The following ENOX1 variants were observed in gnomAD, a reference collection of about 807,000 sequenced individuals.
ENOX1 encodes candidate growth-related and time keeping constitutive hydroquinone (NADH) oxidase.
ENOX1 carries 42 observed loss-of-function variants against 82.5 expected under a neutral mutation model. That is an observed-to-expected ratio of 0.51 (90% CI 0.40 to 0.66). The LOEUF (loss-of-function observed/expected upper bound fraction) is 0.66. ENOX1 is among the 30% of genes least tolerant of loss of function. The pLI, the probability that ENOX1 is intolerant of heterozygous loss-of-function variation, is 0.00. For synonymous variants in ENOX1, 271 were observed against 282.2 expected (o/e 0.96, Z 0.40); for missense variants, 608 against 811.6 (o/e 0.75, Z 3.05).
At chr13:43,505,630 C>T (rs147826300) in intron 2 of ENOX1, among the ~76,000 whole-genome samples, 52 of 152,048 alleles carry the variant, frequency 3.4e-4, no homozygotes, top group African/African-American at 1.1e-3. Flanking sequence ...TGTTTGAGTT[C>T]GTTGTAGATT....
At chr13:43,325,689 C>G (rs139313423) in intron 10 of ENOX1, among the ~76,000 whole-genome samples, 1 of 152,010 alleles carries the variant, frequency 6.6e-6, no homozygotes, top group African/African-American at 2.4e-5. Context: ...GAAAAACATT[C>G]TTTCATTAAA....
chr13:43,617,837 A>T (rs2082547588), intron 2 of ENOX1, among the ~76,000 whole-genome samples: 1 of 152,178 alleles, frequency 6.6e-6, no homozygotes, highest in Admixed American at 6.5e-5. Context: ...TTACATTCCC[A>T]CAAGAAGTGT....
At chr13:43,460,132 C>G (rs960569856) in intron 3 of ENOX1, among the ~76,000 whole-genome samples, 26 of 152,178 alleles carry the variant, frequency 1.7e-4, no homozygotes, top group African/African-American at 6.0e-4. Flanking sequence ...TCTTTTGTTA[C>G]AAAATTATCC....
chr13:43,598,714 G>A (rs2081573317), intron 2 of ENOX1, among the ~76,000 whole-genome samples: 1 of 152,196 alleles, frequency 6.6e-6, no homozygotes, highest in African/African-American at 2.4e-5. Flanking sequence ...GATACAGTGT[G>A]CTATGTTCAA....
chr13:43,333,371 T>C (rs967142604), intron 9 of ENOX1, among the ~76,000 whole-genome samples: 4 of 152,346 alleles, frequency 2.6e-5, no homozygotes, highest in African/African-American at 9.6e-5. Flanking sequence ...ATGAATTACA[T>C]GGTAACCAAT....
At chr13:43,524,298 C>T (rs1230965934) in intron 2 of ENOX1, among the ~76,000 whole-genome samples, 1 of 152,150 alleles carries the variant, frequency 6.6e-6, no homozygotes, top group Non-Finnish European at 1.5e-5. Flanking sequence ...GTCTAGGGGT[C>T]TTTTTGAGTC....
intron 14 of ENOX1, among the ~76,000 whole-genome samples, chr13:43,252,934 A>G (rs2043540034): frequency 6.6e-6 from 1 of 152,240 alleles, no homozygotes; most frequent in African/African-American, 2.4e-5. Flanking sequence ...GGAAGGATTA[A>G]GACACACTCC....
chr13:43,508,315 T>C (rs897177753), intron 2 of ENOX1, among the ~76,000 whole-genome samples: 1 of 152,006 alleles, frequency 6.6e-6, no homozygotes, highest in African/African-American at 2.4e-5. Context: ...TATGTGAGGA[T>C]GCTTCCATGA....
At chr13:43,596,009 T>A (rs897386868) in intron 2 of ENOX1, among the ~76,000 whole-genome samples, 2 of 152,232 alleles carry the variant, frequency 1.3e-5, no homozygotes, top group African/African-American at 2.4e-5. Context: ...GAAAGGCAAC[T>A]GAGTTTTCAT....
At chr13:43,736,582 T>C (rs1247173229) in intron 1 of ENOX1, among the ~76,000 whole-genome samples, 2 of 152,174 alleles carry the variant, frequency 1.3e-5, no homozygotes, top group Non-Finnish European at 2.9e-5. Context: ...AACTGTGAAG[T>C]GGCATGCATT....
intron 9 of ENOX1, among the ~76,000 whole-genome samples, chr13:43,329,304 A>C (rs1026801925): frequency 2.0e-5 from 3 of 152,178 alleles, no homozygotes; most frequent in African/African-American, 7.2e-5. Context: ...ATTAAGGCAG[A>C]GGCTCTGGCA....
chr13:43,775,297 G>T (rs1264817491), intron 1 of ENOX1, among the ~76,000 whole-genome samples: 2 of 152,076 alleles, frequency 1.3e-5, no homozygotes, highest in Admixed American at 6.6e-5. Context: ...GACTACAGGT[G>T]TGCATCCCTA....
intron 10 of ENOX1, among the ~76,000 whole-genome samples, chr13:43,322,751 C>A (rs1390388051): frequency 6.6e-6 from 1 of 152,180 alleles, no homozygotes; most frequent in Non-Finnish European, 1.5e-5. Context: ...TCTCTTGAGT[C>A]TCAATTTCCT....
intron 2 of ENOX1, among the ~76,000 whole-genome samples, chr13:43,616,186 C>CTAGATAGATAGATATA (rs1566642235): frequency 2.9e-4 from 2 of 6,950 alleles, no homozygotes; most frequent in Non-Finnish European, 1.0e-3. Context: ...ATCTATCTAT[C>CTAGATAGATAGATATA]TATATATATA....
chr13:43,618,977 A>ATTTT (rs56048836), intron 2 of ENOX1, among the ~76,000 whole-genome samples: 3,080 of 116,774 alleles, frequency 0.026, 131 homozygotes, highest in African/African-American at 0.094. Context: ...ATAGTCCTAA[A>ATTTT]TTTTTTTTTT....
intron 9 of ENOX1, among the ~76,000 whole-genome samples, chr13:43,328,034 A>G (rs1018712763): frequency 1.3e-5 from 2 of 152,158 alleles, no homozygotes; most frequent in Non-Finnish European, 2.9e-5. Flanking sequence ...CTCAATTTTA[A>G]CAGGAGGATT....
intron 1 of ENOX1, among the ~76,000 whole-genome samples, chr13:43,761,755 C>T (rs1263266244): frequency 2.0e-5 from 3 of 152,160 alleles, no homozygotes; most frequent in African/African-American, 7.2e-5. Flanking sequence ...TAAGCCAAAT[C>T]TGTGTCTCCT....
intron 1 of ENOX1, among the ~76,000 whole-genome samples, chr13:43,773,572 A>T (rs568541938): frequency 1.3e-5 from 2 of 152,240 alleles, no homozygotes; most frequent in African/African-American, 4.8e-5. Flanking sequence ...GCTTTCACAC[A>T]TCTGGACTTC....
At chr13:43,710,820 A>C (rs962359439) in intron 1 of ENOX1, among the ~76,000 whole-genome samples, 1 of 152,036 alleles carries the variant, frequency 6.6e-6, no homozygotes, top group Non-Finnish European at 1.5e-5. Flanking sequence ...CAGAAACAAT[A>C]ATCAAGTAGA....
Sources: gnomAD v4.1 joint callset for allele counts (sites outside exome capture counted in the v4.1 genomes callset) on GRCh38, gnomAD v4.1.1 for gene constraint, MANE v1.5 for transcripts, NCBI Gene and HGNC (gene_info 2026-07-23, HGNC 2026-07-21) for gene names.